The following KIAA1549L variants were observed in gnomAD, a reference collection of about 807,000 sequenced individuals.
The protein encoded by KIAA1549L is UPF0606 protein KIAA1549L.
Under a neutral mutation model 160.7 loss-of-function variants are expected in KIAA1549L, and 88 were observed. The ratio of observed to expected loss-of-function variants is 0.55; its 90% CI spans 0.46 to 0.65. KIAA1549L has a LOEUF of 0.65. Ranked by LOEUF, KIAA1549L falls within the 30% of genes least tolerant of loss-of-function variation. KIAA1549L has a pLI of 0.00. For synonymous variants in KIAA1549L, 950 were observed against 976.7 expected (o/e 0.97, Z 0.51); for missense variants, 2,258 against 2,437.5 (o/e 0.93, Z 1.55).
intron 1 of KIAA1549L, among the ~76,000 whole-genome samples, chr11:33,404,634 CA>C (rs1850607618): frequency 3.3e-5 from 5 of 152,038 alleles, no homozygotes; most frequent in African/African-American, 1.2e-4. Flanking sequence ...CGTGAATAGA[CA>C]ATACCATAGC....
At chr11:33,571,066 C>T (rs1016346747) in intron 9 of KIAA1549L, among the ~76,000 whole-genome samples, 1 of 152,214 alleles carries the variant, frequency 6.6e-6, no homozygotes, top group Non-Finnish European at 1.5e-5. Context: ...AGGTGGATCA[C>T]AAGGTCAAGA....
At chr11:33,393,635 A>G (rs895109452) in intron 1 of KIAA1549L, among the ~76,000 whole-genome samples, 2 of 152,242 alleles carry the variant, frequency 1.3e-5, no homozygotes, top group African/African-American at 4.8e-5. Context: ...TCAAGCCAGC[A>G]CTAAGGAACA....
intron 1 of KIAA1549L, among the ~76,000 whole-genome samples, chr11:33,413,454 A>G (rs1413930601): frequency 7.0e-6 from 1 of 142,456 alleles, no homozygotes; most frequent in East Asian, 2.1e-4. Flanking sequence ...AAAAAAAAAA[A>G]GCAATACGTC....
chr11:33,446,096 CTT>C (rs35251793), intron 1 of KIAA1549L, among the ~76,000 whole-genome samples: 8 of 138,148 alleles, frequency 5.8e-5, no homozygotes, highest in Admixed American at 2.2e-4. Context: ...AAAGTCCTGT[CTT>C]TTTTTTTTTT....
In KIAA1549L at chr11:33,672,926, G is replaced by T. The variant is rs1852707873; in HGVS notation, c.*4772G>T. The T allele has an allele frequency of 6.5e-6, 1 of 153,892 alleles. No individual in the cohort carries two copies. Among genetic ancestry groups the T allele is most frequent in the East Asian group, 1.9e-4 (1 of 5,192 alleles). 9.5% of individuals were successfully genotyped at this position (153,892 alleles called of 1,614,324 possible). ...CTTGCATGGATAAGAAAACCAATGAGCCCCTCAACAGAGTCTTTTGAAACA... is the reference window on the plus strand; with the variant it reads ...CTTGCATGGATAAGAAAACCAATGATCCCCTCAACAGAGTCTTTTGAAACA... On this transcript the variant is annotated 3_prime_UTR_variant, in exon 21 of 21. Coordinates refer to ENST00000658780, the MANE Select transcript of KIAA1549L (RefSeq NM_012194.3).
chr11:33,448,222 T>C (rs1381165904), intron 1 of KIAA1549L, among the ~76,000 whole-genome samples: 1 of 152,174 alleles, frequency 6.6e-6, no homozygotes, highest in Non-Finnish European at 1.5e-5. Flanking sequence ...CATTAGGTAT[T>C]TACATTTGAG....
intron 13 of KIAA1549L, among the ~76,000 whole-genome samples, chr11:33,601,744 C>T (rs1801798412): frequency 6.6e-6 from 1 of 152,168 alleles, no homozygotes; most frequent in African/African-American, 2.4e-5. Flanking sequence ...AGGTTTGTTA[C>T]ATCTGTAGCT....
At chr11:33,467,888 G>A (rs73487005) in intron 1 of KIAA1549L, among the ~76,000 whole-genome samples, 13,511 of 152,226 alleles carry the variant, frequency 0.089, 1,457 homozygotes, top group African/African-American at 0.26. Flanking sequence ...AAAAAAGAAA[G>A]AGAAAAAGAA....
intron 16 of KIAA1549L, among the ~76,000 whole-genome samples, chr11:33,634,313 G>C (rs1851382488): frequency 2.0e-5 from 3 of 152,174 alleles, no homozygotes; most frequent in Non-Finnish European, 4.4e-5. Context: ...AAAGTGCTGG[G>C]ATTACAGGTT....
chr11:33,456,876 T>C (rs1851834962), intron 1 of KIAA1549L, among the ~76,000 whole-genome samples: 1 of 152,246 alleles, frequency 6.6e-6, no homozygotes, highest in Admixed American at 6.5e-5. Flanking sequence ...CCCCATCATC[T>C]GCTCAGGCCT....
chr11:33,654,252 G>A (rs746445381), intron 17 of KIAA1549L, among the ~76,000 whole-genome samples: 10 of 152,318 alleles, frequency 6.6e-5, no homozygotes, highest in Non-Finnish European at 1.0e-4. Context: ...GATTACAGGC[G>A]TGAGCCACCA....
At chr11:33,471,610 C>T (rs1852180090) in intron 1 of KIAA1549L, among the ~76,000 whole-genome samples, 1 of 152,224 alleles carries the variant, frequency 6.6e-6, no homozygotes, top group East Asian at 1.9e-4. Flanking sequence ...AACTTCTAGC[C>T]TAATGAGCTC....
chr11:33,494,253 A>G (rs988826192), intron 1 of KIAA1549L, among the ~76,000 whole-genome samples: 4 of 152,258 alleles, frequency 2.6e-5, no homozygotes, highest in Admixed American at 2.0e-4. Context: ...TCTGAACCCA[A>G]TGCAAGAAAA....
chr11:33,641,113 C>G (rs1302528973), intron 16 of KIAA1549L, among the ~76,000 whole-genome samples: 1 of 152,196 alleles, frequency 6.6e-6, no homozygotes, highest in Admixed American at 6.5e-5. Flanking sequence ...AAAATGGACA[C>G]AACTGCAGAG....
intron 1 of KIAA1549L, among the ~76,000 whole-genome samples, chr11:33,434,114 A>G (rs2132925427): frequency 6.6e-6 from 1 of 152,132 alleles, no homozygotes; most frequent in South Asian, 2.1e-4. Flanking sequence ...GTATTCTTAG[A>G]AGGATTCTTT....
intron 1 of KIAA1549L, among the ~76,000 whole-genome samples, chr11:33,527,497 A>G (rs1054049224): frequency 2.0e-5 from 3 of 152,204 alleles, no homozygotes; most frequent in Non-Finnish European, 2.9e-5. Context: ...AAAAGATAAC[A>G]TTGGAAAAAC....
chr11:33,379,703 G>T (rs1850034786), intron 1 of KIAA1549L, among the ~76,000 whole-genome samples: 1 of 152,186 alleles, frequency 6.6e-6, no homozygotes, highest in South Asian at 2.1e-4. Context: ...TCTCTCATCT[G>T]GAAAATGGGG....
At chr11:33,544,538 C>T (rs1245544008) in intron 2 of KIAA1549L, among the ~76,000 whole-genome samples, 1 of 152,210 alleles carries the variant, frequency 6.6e-6, no homozygotes, top group Non-Finnish European at 1.5e-5. Context: ...AAACTATTCA[C>T]AATGTAAGCA....
chr11:33,618,967 A>C (rs767620041), intron 16 of KIAA1549L, among the ~76,000 whole-genome samples: 41 of 152,202 alleles, frequency 2.7e-4, no homozygotes, highest in Non-Finnish European at 5.0e-4. Flanking sequence ...TGTCCTTAGA[A>C]ATTCAGCAGG....
Sources: gnomAD v4.1 joint callset for allele counts (sites outside exome capture counted in the v4.1 genomes callset) on GRCh38, gnomAD v4.1.1 for gene constraint, MANE v1.5 for transcripts, NCBI Gene and HGNC (gene_info 2026-07-23, HGNC 2026-07-21) for gene names.